The following TMIGD3 variants were observed in gnomAD, a reference collection of about 807,000 sequenced individuals.
The protein encoded by TMIGD3 is AD026 protein (AD026).
TMIGD3 carries 21 observed loss-of-function variants against 28.1 expected under a neutral mutation model. That is an observed-to-expected ratio of 0.75 (90% confidence interval 0.53 to 1.08). The LOEUF (loss-of-function observed/expected upper bound fraction) is 1.08, where lower values mean the gene tolerates loss of function less well. Ranked by LOEUF, TMIGD3 falls within the 50% of genes least tolerant of loss-of-function variation. The pLI is 0.00. For missense variants in TMIGD3, 416 were observed against 435.6 expected, an observed-to-expected ratio of 0.96 and a Z score of 0.40; for synonymous variants, 151 against 162.1, an observed-to-expected ratio of 0.93 and a Z score of 0.52.
chr1:111,488,764 C>A lies in TMIGD3; in HGVS notation c.718G>T (p.Asp240Tyr). Residue 240 changes from aspartate (D) to tyrosine (Y), a missense_variant, in exon 3 of 6, where the codon GAC (aspartate) becomes TAC (tyrosine). Physicochemically the swap from Asp to Tyr is radical, Grantham distance 160 (BLOSUM62 -3). Coordinates refer to ENST00000369716, the MANE Select transcript of TMIGD3 (RefSeq NM_020683.7). ...AAATCCATGTCATCCCTGGCAAAGT[C>A]CCGCTGGATGCCACACCAGTACCAG... ...TGWYWCGIQR[D>Y]FARDDMDFTE... The A allele has an allele frequency of 6.2e-7, 1 of 1,614,218 alleles. No homozygotes were observed. Among genetic ancestry groups the A allele is most frequent in the South Asian group, 1.1e-5 (1 of 91,088 alleles).
chr1:111,495,485 A>G (rs905508272), intron 1 of TMIGD3, among the ~76,000 whole-genome samples: 6 of 152,242 alleles, frequency 3.9e-5, no homozygotes, highest in African/African-American at 1.4e-4. Context: ...GAAGCTGCAG[A>G]GAAAAGAGAA....
At chr1:111,532,691 C>A (rs1410420118) in intron 1 of TMIGD3, among the ~76,000 whole-genome samples, 2 of 152,104 alleles carry the variant, frequency 1.3e-5, no homozygotes, top group East Asian at 1.9e-4. Flanking sequence ...TGTAAAAGTG[C>A]CCCCTGTGAG....
At chr1:111,526,125 C>A (rs1656252662) in intron 1 of TMIGD3, among the ~76,000 whole-genome samples, 1 of 151,820 alleles carries the variant, frequency 6.6e-6, no homozygotes, top group Non-Finnish European at 1.5e-5. Flanking sequence ...TTAGAGGAGT[C>A]TTAGGTTGAC....
chr1:111,546,230 T>C (rs759591125), intron 1 of TMIGD3, among the ~76,000 whole-genome samples: 1 of 152,184 alleles, frequency 6.6e-6, no homozygotes, highest in African/African-American at 2.4e-5. Context: ...GCCATCATTT[T>C]TTCCTCTCTT....
chr1:111,546,983 A>T (rs1657056841), intron 1 of TMIGD3, among the ~76,000 whole-genome samples: 2 of 152,196 alleles, frequency 1.3e-5, no homozygotes, highest in Non-Finnish European at 1.5e-5. Flanking sequence ...CATCCTAAGG[A>T]GTGTAAAGTG....
At chr1:111,544,818 T>G (rs1656978490) in intron 1 of TMIGD3, among the ~76,000 whole-genome samples, 1 of 133,682 alleles carries the variant, frequency 7.5e-6, no homozygotes, top group Non-Finnish European at 1.6e-5. Context: ...ACATACCCAA[T>G]TTCTTGGGTA....
chr1:111,538,650 G>A (rs1046976248), intron 1 of TMIGD3, among the ~76,000 whole-genome samples: 5 of 152,202 alleles, frequency 3.3e-5, no homozygotes, highest in African/African-American at 4.8e-5. Context: ...AACATCTATA[G>A]TCATTGAAAG....
intron 1 of TMIGD3, among the ~76,000 whole-genome samples, chr1:111,532,967 G>A (rs1656505283): frequency 6.6e-6 from 1 of 152,194 alleles, no homozygotes; most frequent in African/African-American, 2.4e-5. Context: ...TATCCACACT[G>A]CTCTGTAGAG....
At chr1:111,530,923 A>G (rs1185659436) in intron 1 of TMIGD3, among the ~76,000 whole-genome samples, 2 of 152,212 alleles carry the variant, frequency 1.3e-5, no homozygotes, top group African/African-American at 4.8e-5. Flanking sequence ...TTTGCTGTCC[A>G]TCCCTATTTC....
chr1:111,551,691 A>G (rs995504421), intron 1 of TMIGD3, among the ~76,000 whole-genome samples: 3 of 151,998 alleles, frequency 2.0e-5, no homozygotes, highest in African/African-American at 4.8e-5. Context: ...ATATTTATCT[A>G]TGTAGTTATC....
intron 1 of TMIGD3, among the ~76,000 whole-genome samples, chr1:111,497,864 T>C (rs1654967350): frequency 6.6e-6 from 1 of 152,222 alleles, no homozygotes; most frequent in African/African-American, 2.4e-5. Flanking sequence ...CAACGTAGTG[T>C]ATCTACGTTA....
upstream of TMIGD3, chr1:111,505,028 G>A (rs1031085599): frequency 5.1e-6 from 5 of 981,526 alleles, no homozygotes; most frequent in African/African-American, 5.4e-5. Flanking sequence ...GGCCTCCAAT[G>A]TGTCCCTCAT....
chr1:111,534,744 G>A (rs1008952043), intron 1 of TMIGD3, among the ~76,000 whole-genome samples: 1 of 152,084 alleles, frequency 6.6e-6, no homozygotes, highest in Admixed American at 6.5e-5. Flanking sequence ...GTGTGTGAGT[G>A]TGTGTGTGTT....
rs1036841300 is a variant in TMIGD3 at position 111,488,702 on chromosome 1, C to T, written c.780G>A (p.Leu260=). 6.2e-7 allele frequency: 1 copy of T among 1,613,922 alleles called. No homozygotes were observed. The highest frequency in any genetic ancestry group is 1.1e-5 in the South Asian group (1 of 91,082). Reference sequence around the variant, plus strand: ...CTTTCCCAGACCAAAAGTCATTGGCCAGGGTTCCTTTGTCGTCAGTTACAA... The same window carrying T: ...CTTTCCCAGACCAAAAGTCATTGGCTAGGGTTCCTTTGTCGTCAGTTACAA... ...ELIVTDDKGT[L]ANDFWSGKDL... The change falls in exon 3 of 6, where the codon CTG becomes CTA. Residue 260 remains leucine (L), a synonymous_variant. Transcript: ENST00000369716.
intron 3 of TMIGD3, among the ~76,000 whole-genome samples, chr1:111,487,850 C>G (rs907812117): frequency 1.3e-5 from 2 of 152,192 alleles, no homozygotes; most frequent in Non-Finnish European, 2.9e-5. Flanking sequence ...GTCATCCAGG[C>G]TGAAGTGCAG....
chr1:111,507,006 CATA>C, upstream of TMIGD3, among the ~76,000 whole-genome samples: 1 of 119,894 alleles, frequency 8.3e-6, no homozygotes, highest in East Asian at 2.5e-4. Flanking sequence ...TATACACACA[CATA>C]TGTGTGTGTG....
At position 111,527,006 on chromosome 1, in the gene TMIGD3, C is replaced by CTTTTTTTTTTTT. The variant is rs71580580; in HGVS notation, c.108-36256_108-36245dup. On this transcript the variant is annotated intron_variant, in intron 1 of 5. Transcript: ENST00000369717. The stretch of plus-strand genomic sequence containing the variant: ...ATATACATTTAAGTTTCCTCAATGT[C>CTTTTTTTTTTTT]TTTTTTTTTTTTTTTTTTTTTTGAG... 1.0e-4 allele frequency among the ~76,000 whole-genome samples: 9 copies of CTTTTTTTTTTTT among 87,744 alleles called. 1 individual carries two copies. In the East Asian group the frequency reaches 1.3e-3, roughly 12 times the overall value. 57.6% of individuals were successfully genotyped at this position (87,744 alleles called of 152,430 possible). A position where few individuals can be genotyped will look rare whatever the true frequency, so the allele number is the denominator to read the frequency against.
At chr1:111,497,780 G>T (rs1209713425) in intron 1 of TMIGD3, among the ~76,000 whole-genome samples, 1 of 152,208 alleles carries the variant, frequency 6.6e-6, no homozygotes, top group Non-Finnish European at 1.5e-5. Flanking sequence ...GTTTTGTCTT[G>T]AGGGAAGTGG....
At chr1:111,493,785 T>C (rs1308184299) in intron 1 of TMIGD3, among the ~76,000 whole-genome samples, 1 of 152,210 alleles carries the variant, frequency 6.6e-6, no homozygotes, top group Non-Finnish European at 1.5e-5. Flanking sequence ...GATTTGATGG[T>C]AAATCTGGGA....
Sources: gnomAD v4.1 joint callset for allele counts (sites outside exome capture counted in the v4.1 genomes callset) on GRCh38, gnomAD v4.1.1 for gene constraint, MANE v1.5 for transcripts, NCBI Gene and HGNC (gene_info 2026-07-23, HGNC 2026-07-21) for gene names.